CDH13: variants seen among roughly 807,000 people sequenced by gnomAD.
CDH13 encodes the protein cadherin-13.
Under a neutral mutation model 63.8 loss-of-function variants are expected in CDH13, and 24 were observed. The observed-to-expected ratio is 0.38, with a 90% CI of 0.27 to 0.53. The LOEUF (loss-of-function observed/expected upper bound fraction) is 0.53. CDH13 is among the 20% of genes least tolerant of loss of function. CDH13 has a pLI of 0.85. For missense variants in CDH13, 1,049 were observed against 903.1 expected, an observed-to-expected ratio of 1.16 and a Z score of -2.07; for synonymous variants, 503 against 355.3, an observed-to-expected ratio of 1.42 and a Z score of -4.67.
At chr16:82,966,929 C>G (rs1054931933) in intron 2 of CDH13, among the ~76,000 whole-genome samples, 2 of 152,104 alleles carry the variant, frequency 1.3e-5, no homozygotes, top group African/African-American at 4.8e-5. Flanking sequence ...TGGATTTATC[C>G]AATTACCGCA....
At chr16:83,592,135 C>T (rs2092294219) in intron 7 of CDH13, among the ~76,000 whole-genome samples, 1 of 152,162 alleles carries the variant, frequency 6.6e-6, no homozygotes, top group African/African-American at 2.4e-5. Context: ...TTGGTCTCTC[C>T]CACGGGACTT....
intron 6 of CDH13, among the ~76,000 whole-genome samples, chr16:83,435,617 A>G (rs953102940): frequency 8.5e-5 from 13 of 152,060 alleles, no homozygotes; most frequent in African/African-American, 3.1e-4. Flanking sequence ...GTCTTTGTTC[A>G]TACTGTTCTC....
chr16:83,339,777 G>C (rs934539544), intron 5 of CDH13, among the ~76,000 whole-genome samples: 1 of 152,084 alleles, frequency 6.6e-6, no homozygotes, highest in Non-Finnish European at 1.5e-5. Flanking sequence ...TCCCTCCCAT[G>C]ATCAGCCAAG....
At chr16:83,399,762 A>G (rs2091939815) in intron 6 of CDH13, among the ~76,000 whole-genome samples, 1 of 152,188 alleles carries the variant, frequency 6.6e-6, no homozygotes, top group African/African-American at 2.4e-5. Context: ...TCTGGGCTCC[A>G]GGAGAGCACA....
intron 1 of CDH13, among the ~76,000 whole-genome samples, chr16:82,753,139 A>T (rs2034484446): frequency 6.6e-6 from 1 of 152,182 alleles, no homozygotes; most frequent in African/African-American, 2.4e-5. Context: ...CCTACTTATT[A>T]TTCCTCCTCA....
At chr16:82,684,348 AT>A (rs1234507003) in intron 1 of CDH13, among the ~76,000 whole-genome samples, 2 of 152,164 alleles carry the variant, frequency 1.3e-5, no homozygotes, top group Non-Finnish European at 2.9e-5. Context: ...AGTCCCTTAG[AT>A]AACATCATGT....
chr16:83,049,647 G>T (rs1308867413), intron 3 of CDH13, among the ~76,000 whole-genome samples: 2 of 152,090 alleles, frequency 1.3e-5, no homozygotes, highest in African/African-American at 4.8e-5. Context: ...TTTGCATAAT[G>T]TTGCAAGGTT....
chr16:83,505,633 T>C (rs2074379235), intron 7 of CDH13, among the ~76,000 whole-genome samples: 1 of 135,370 alleles, frequency 7.4e-6, no homozygotes, highest in African/African-American at 2.8e-5. Flanking sequence ...AATCTCCACC[T>C]CCCAGGTTCA....
At chr16:83,248,232 G>A (rs1018085318) in intron 5 of CDH13, among the ~76,000 whole-genome samples, 12 of 152,228 alleles carry the variant, frequency 7.9e-5, no homozygotes, top group African/African-American at 2.9e-4. Context: ...AAGAGATCAG[G>A]AAGGAAGAGA....
intron 1 of CDH13, among the ~76,000 whole-genome samples, chr16:82,805,155 C>A (rs1198760532): frequency 6.6e-6 from 1 of 152,164 alleles, no homozygotes; most frequent in Non-Finnish European, 1.5e-5. Context: ...TCTTCATGCT[C>A]AGCCCCCAGG....
At chr16:83,755,886 T>C (rs1913470519) in intron 11 of CDH13, among the ~76,000 whole-genome samples, 1 of 152,024 alleles carries the variant, frequency 6.6e-6, no homozygotes, top group African/African-American at 2.4e-5. Flanking sequence ...AAGTTAAATA[T>C]GTATAAAGTA....
intron 2 of CDH13, among the ~76,000 whole-genome samples, chr16:82,922,077 A>G (rs1397394671): frequency 3.3e-5 from 5 of 152,102 alleles, no homozygotes; most frequent in African/African-American, 9.7e-5. Context: ...TTTCCTTATA[A>G]TCATTTAAAT....
rs114585083 is a variant in CDH13 at position 82,645,428 on chromosome 16, G to T, written c.45+18291G>T. Among the ~76,000 whole-genome samples, 123 of 152,186 alleles carry T rather than the reference G, an allele frequency of 8.1e-4. 1 individual carries two copies. The highest frequency in any genetic ancestry group is 2.5e-3 in the East Asian group (13 of 5,182). On this transcript the variant is annotated intron_variant, in intron 1 of 13. Transcript: ENST00000567109. Reference sequence around the variant, plus strand: ...GGCTCTCAACTGTTGGGGTGAGGGGGGTTGTGACCCTCGGGACAGTTTGCA... The same window carrying T: ...GGCTCTCAACTGTTGGGGTGAGGGGTGTTGTGACCCTCGGGACAGTTTGCA...
Position 83,107,560 on chromosome 16 carries a change from C to T in CDH13, c.367-17825C>T, listed in dbSNP as rs150165379. On this transcript the variant is annotated intron_variant, in intron 3 of 13. Coordinates refer to ENST00000567109, the MANE Select transcript of CDH13 (RefSeq NM_001257.5). ...AAGTAGTTTGCATTTAGGAGGGTTT[C>T]ATCTGAAAAATAGGGAAACTCCTAT... is the stretch of plus-strand genomic sequence containing the variant. Among the ~76,000 whole-genome samples, 21 of 152,210 alleles carry T rather than the reference C, an allele frequency of 1.4e-4. No individual in the cohort carries two copies. The East Asian group carries it at 3.7e-3, about 27-fold the overall frequency.
intron 4 of CDH13, among the ~76,000 whole-genome samples, chr16:83,152,343 A>C (rs1176769131): frequency 6.6e-6 from 1 of 152,232 alleles, no homozygotes; most frequent in Non-Finnish European, 1.5e-5. Context: ...TCTATTCTCA[A>C]ATAATTTTTA....
At chr16:83,503,991 G>A (rs8060792) in intron 7 of CDH13, among the ~76,000 whole-genome samples, 77,186 of 151,480 alleles carry the variant, frequency 0.51, 19,995 homozygotes, top group East Asian at 0.83. Flanking sequence ...CATTAGGACA[G>A]ATGCCCAATG....
At chr16:83,232,590 C>G (rs1025009542) in intron 5 of CDH13, among the ~76,000 whole-genome samples, 1 of 151,836 alleles carries the variant, frequency 6.6e-6, no homozygotes, top group African/African-American at 2.4e-5. Flanking sequence ...CCTTCCCCCA[C>G]ACACTTTGCT....
intron 6 of CDH13, among the ~76,000 whole-genome samples, chr16:83,354,712 C>G (rs956424855): frequency 3.3e-5 from 5 of 152,136 alleles, no homozygotes; most frequent in African/African-American, 1.2e-4. Flanking sequence ...GTGCAGAGAC[C>G]TGAGGCAGGA....
intron 1 of CDH13, among the ~76,000 whole-genome samples, chr16:82,730,850 T>G (rs2033363666): frequency 6.6e-6 from 1 of 152,356 alleles, no homozygotes; most frequent in Non-Finnish European, 1.5e-5. Flanking sequence ...TCATGAATTT[T>G]TCAAATGTTT....
Sources: gnomAD v4.1 joint callset for allele counts (sites outside exome capture counted in the v4.1 genomes callset) on GRCh38, gnomAD v4.1.1 for gene constraint, MANE v1.5 for transcripts, NCBI Gene and HGNC (gene_info 2026-07-23, HGNC 2026-07-21) for gene names.